Variants in MCOLN1 observed in about 807,000 individuals in gnomAD.
The protein encoded by MCOLN1 is mucolipin TRP cation channel 1, also known as mucolipin-1.
MCOLN1 carries 50 observed loss-of-function variants against 70.3 expected under a neutral mutation model. That is an observed-to-expected ratio of 0.71 (90% confidence interval 0.57 to 0.90). The LOEUF is 0.90. Ranked by LOEUF, MCOLN1 falls within the 40% of genes least tolerant of loss-of-function variation. The probability of loss-of-function intolerance (pLI) is 0.00; values close to 1 mark genes in which losing one functional copy is unlikely to be tolerated. For synonymous variants in MCOLN1, 366 were observed against 341.0 expected (o/e 1.07, Z -0.81); for missense variants, 598 against 803.5 (o/e 0.74, Z 3.09).
rs369993104 is a variant in MCOLN1, at chr19:7,533,607, C to T, written c.1660C>T (p.Arg554Cys). The change falls in exon 13 of 14, where the codon CGC (arginine) becomes TGC (cysteine). Residue 554 changes from arginine to cysteine, a missense_variant. Physicochemically the swap from Arg to Cys is radical, Grantham distance 180. This residue lies in a region of MCOLN1 where 59 missense variants were observed against 58.8 expected (regional missense o/e 1.00). Transcript: ENST00000264079. ...GGACAGCCCCACCTCCGGCAAGTTCCGCCGCGGGAGCGGCTCGGCCTGCAG... is the reference window on the plus strand; with the variant it reads ...GGACAGCCCCACCTCCGGCAAGTTCTGCCGCGGGAGCGGCTCGGCCTGCAG... ...CQDSPTSGKF[R>C]RGSGSACSLL... 2 of 1,613,610 alleles carry T rather than the reference C, an allele frequency of 1.2e-6. No homozygotes were observed. The highest frequency in any genetic ancestry group is 8.5e-7 in the Non-Finnish European group (1 of 1,179,980).
chr19:7,527,492 A>G (rs2146023391), intron 4 of MCOLN1, 28 bp from the exon 5 acceptor site: 1 of 969,846 alleles, frequency 1.0e-6, no homozygotes, highest in Non-Finnish European at 1.7e-6. Context: ...CGGCCCCCTG[A>G]GGCCCTTCCC....
At chr19:7,529,020 G>T in intron 9 of MCOLN1, 50 bp downstream of exon 9, 1 of 1,613,814 alleles carries the variant, frequency 6.2e-7, no homozygotes, top group Non-Finnish European at 8.5e-7. Context: ...TGCTGTCAGT[G>T]CCTATCCGGG....
At chr19:7,533,358 C>A (rs1277385855) in intron 12 of MCOLN1, 165 bp from the exon 13 acceptor site, 3 of 851,862 alleles carry the variant, frequency 3.5e-6, no homozygotes, top group Middle Eastern at 3.5e-4. Context: ...AGGGAAGGTC[C>A]CTCTGTGCAA....
Position 7,526,688 on chromosome 19 carries a change from G to A in MCOLN1, c.406-73G>A. 6.2e-7 allele frequency: 1 copy of A among 1,601,516 alleles called. No individual in the cohort carries two copies. Among genetic ancestry groups the A allele is most frequent in the Non-Finnish European group, 8.5e-7 (1 of 1,178,584 alleles). On this transcript the variant is annotated intron_variant, in intron 3 of 13. Coordinates refer to ENST00000264079, the MANE Select transcript of MCOLN1 (RefSeq NM_020533.3). The surrounding 1 kb of genome is among the most constrained non-coding windows in gnomAD (Gnocchi z 4.6). Reference sequence around the variant, plus strand: ...GCAGTTGGGCGGGCAGGTGCTGGTGGGCGGGCAGGTGCAGGTGGGTGGGCT... The same window carrying A: ...GCAGTTGGGCGGGCAGGTGCTGGTGAGCGGGCAGGTGCAGGTGGGTGGGCT...
intron 1 of MCOLN1, among the ~76,000 whole-genome samples, chr19:7,523,019 G>A (rs2022517210): frequency 6.6e-6 from 1 of 152,188 alleles, no homozygotes; most frequent in Non-Finnish European, 1.5e-5. Context: ...GATCGCGCCG[G>A]GCCGCCAGCT....
chr19:7,533,712 C>T (rs1372044137), intron 13 of MCOLN1, 47 bp from the exon 14 acceptor site: 4 of 1,614,110 alleles, frequency 2.5e-6, no homozygotes, highest in Non-Finnish European at 3.4e-6. Context: ...GAAAGGGGAG[C>T]GAGCCAGAGA....
In MCOLN1 at chr19:7,526,743, C is replaced by A. The variant is rs1424093361; in HGVS notation, c.406-18C>A. Reference sequence around the variant, plus strand: ...AGAGCGGGCCGGACTCACAGGCCCTCCCCTTCTCTGCCCACAGTACCTGGC... The same window carrying A: ...AGAGCGGGCCGGACTCACAGGCCCTACCCTTCTCTGCCCACAGTACCTGGC... On this transcript the variant is annotated intron_variant, in intron 3 of 13. Coordinates refer to ENST00000264079, the MANE Select transcript of MCOLN1 (RefSeq NM_020533.3). This position sits in a 1 kb window ranked among gnomAD's most constrained non-coding sequence, Gnocchi z 4.6. The A allele has an allele frequency of 1.9e-6, 3 of 1,613,128 alleles. No individual in the cohort carries two copies. The highest frequency in any genetic ancestry group is 2.5e-6 in the Non-Finnish European group (3 of 1,180,004).
Position 7,526,675 on chromosome 19 carries a change from G to A in MCOLN1, c.405+69G>A. On this transcript the variant is annotated intron_variant, in intron 3 of 13. Transcript: ENST00000264079. The surrounding 1 kb of genome is among the most constrained non-coding windows in gnomAD (Gnocchi z 4.6). ...TGGGCGGGCAGGTGCAGTTGGGCGG[G>A]CAGGTGCTGGTGGGCGGGCAGGTGC... The A allele has an allele frequency of 6.3e-7, 1 of 1,585,976 alleles. No individual in the cohort carries two copies. The highest frequency in any genetic ancestry group is 8.5e-7 in the Non-Finnish European group (1 of 1,169,944).
intron 10 of MCOLN1, 89 bp from the exon 11 acceptor site, chr19:7,529,501 G>GGGCCCCCCCCCCC: frequency 2.7e-6 from 2 of 747,248 alleles, no homozygotes; most frequent in Admixed American, 2.0e-5. Flanking sequence ...CCTCGGCAAG[G>GGGCCCCCCCCCCC]CCCCGCCCCT....
At chr19:7,533,711 G>T in intron 13 of MCOLN1, 48 bp from the exon 14 acceptor site, 1 of 1,614,194 alleles carries the variant, frequency 6.2e-7, no homozygotes, top group South Asian at 1.1e-5. Flanking sequence ...GGAAAGGGGA[G>T]CGAGCCAGAG....
intron 5 of MCOLN1, 63 bp from the exon 6 acceptor site, chr19:7,527,801 T>C: frequency 7.3e-7 from 1 of 1,368,264 alleles, no homozygotes; most frequent in South Asian, 1.2e-5. Context: ...CAGGGGACGC[T>C]GGCACTTGGG....
In MCOLN1 at chr19:7,522,646, G is replaced by C; in HGVS notation, c.-105G>C. The C allele has an allele frequency of 1.6e-6, 2 of 1,259,072 alleles. No homozygotes were observed. Among genetic ancestry groups the C allele is most frequent in the Admixed American group, 2.8e-5 (1 of 35,132 alleles). 78.0% of individuals were successfully genotyped at this position (1,259,072 alleles called of 1,614,324 possible). On this transcript the variant is annotated 5_prime_UTR_variant, in exon 1 of 14. Transcript: ENST00000264079. Reference sequence around the variant, plus strand: ...GGCACAGATCAGCTGATGCCGGAGGGTTTGAAGCCGCGCCGCGAGGGAGCG... The same window carrying C: ...GGCACAGATCAGCTGATGCCGGAGGCTTTGAAGCCGCGCCGCGAGGGAGCG...
chr19:7,523,540 A>C (rs2022524952), intron 1 of MCOLN1, among the ~76,000 whole-genome samples: 1 of 152,218 alleles, frequency 6.6e-6, no homozygotes, highest in African/African-American at 2.4e-5. Flanking sequence ...CCCTCTCTGC[A>C]AGGGAGGTTC....
In MCOLN1 at chr19:7,525,043, GGAA is replaced by G; in HGVS notation, c.117_119del (p.Glu39del). ...CGGCCCCTCCGACACCCCCAGAAGA[GGAA>G]GACCTTCGCCGTCGTCTCAAATACT... On this transcript the variant is annotated inframe_deletion, in exon 2 of 14. Coordinates refer to ENST00000264079, the MANE Select transcript of MCOLN1 (RefSeq NM_020533.3). This position sits in a 1 kb window ranked among gnomAD's most constrained non-coding sequence, Gnocchi z 4.2. The G allele has an allele frequency of 1.9e-6, 3 of 1,614,146 alleles. No homozygotes were observed. The highest frequency in any genetic ancestry group is 2.5e-6 in the Non-Finnish European group (3 of 1,180,040).
At chr19:7,532,247 G>A (rs760394931) in intron 12 of MCOLN1, among the ~76,000 whole-genome samples, 16 of 152,192 alleles carry the variant, frequency 1.1e-4, no homozygotes, top group Non-Finnish European at 1.9e-4. Context: ...GGATGGCACA[G>A]GAACAGACAT....
At chr19:7,523,532 C>T (rs541012136) in intron 1 of MCOLN1, among the ~76,000 whole-genome samples, 4 of 152,230 alleles carry the variant, frequency 2.6e-5, no homozygotes, top group Non-Finnish European at 4.4e-5. Context: ...GAACTTGTCC[C>T]TCTCTGCAAG....
rs756587321 is a variant in MCOLN1, at chr19:7,528,807, C to T, written c.985-14C>T. 1 of 1,614,208 alleles carries T rather than the reference C, an allele frequency of 6.2e-7. No individual in the cohort carries two copies. The highest frequency in any genetic ancestry group is 1.1e-5 in the South Asian group (1 of 91,086). On this transcript the variant is annotated splice_polypyrimidine_tract_variant and intron_variant, in intron 8 of 13. Coordinates refer to ENST00000264079, the MANE Select transcript of MCOLN1 (RefSeq NM_020533.3). The surrounding 1 kb of genome is among the most constrained non-coding windows in gnomAD (Gnocchi z 4.2). ...TGTGCCTGGTCAGGCCCTCACCCCG[C>T]CTGCCTTCTGCAGGAGTTTGTGGGG...
intron 4 of MCOLN1, chr19:7,527,312 G>A (rs987837086): frequency 3.7e-6 from 2 of 542,068 alleles, no homozygotes; most frequent in African/African-American, 1.9e-5. Context: ...TGCTTAGTGT[G>A]AGTGTGACTC....
chr19:7,528,165 T>A lies in MCOLN1; in HGVS notation c.785T>A (p.Phe262Tyr). 1.2e-6 allele frequency: 2 copies of A among 1,614,002 alleles called. No individual in the cohort carries two copies. The highest frequency in any genetic ancestry group is 1.7e-6 in the Non-Finnish European group (2 of 1,179,968). Residue 262 changes from phenylalanine to tyrosine, a missense_variant, in exon 7 of 14, where the codon TTT becomes TAT. Physicochemically the swap from Phe to Tyr is conservative, Grantham distance 22 (BLOSUM62 3). Transcript: ENST00000264079. This position sits in a 1 kb window ranked among gnomAD's most constrained non-coding sequence, Gnocchi z 4.2. ...DCYTFSVLIT[F>Y]DNKAHSGRIP... ...CCCAACTGGCCCCCACAGATCACGT[T>A]TGACAACAAAGCACACAGTGGGCGG...
Sources: allele counts gnomAD v4.1 joint callset (sites outside exome capture counted in the v4.1 genomes callset), GRCh38; gene constraint gnomAD v4.1.1; regional missense constraint gnomAD v4.1.1; non-coding constraint Gnocchi (gnomAD v3.1); transcripts MANE v1.5; gene names NCBI Gene and HGNC (gene_info 2026-07-23, HGNC 2026-07-21).